Variants in WWOX observed in about 807,000 individuals in gnomAD.
WWOX encodes the protein WW domain containing oxidoreductase, also known as WW domain-containing oxidoreductase.
Under a neutral mutation model 46.2 loss-of-function variants are expected in WWOX, and 69 were observed. The observed-to-expected ratio is 1.49, with a 90% CI of 1.23 to 1.82. The LOEUF (loss-of-function observed/expected upper bound fraction) is 1.82. Among genes scored for constraint, WWOX ranks in the 40% most tolerant of loss-of-function variants. WWOX has a pLI of 0.00. For synonymous variants in WWOX, 359 were observed against 202.6 expected (o/e 1.77, Z -6.56); for missense variants, 919 against 542.6 (o/e 1.69, Z -6.89).
chr16:78,705,747 G>A (rs1467145558), intron 8 of WWOX, among the ~76,000 whole-genome samples: 1 of 152,046 alleles, frequency 6.6e-6, no homozygotes, highest in Non-Finnish European at 1.5e-5. Context: ...AATGCTGTAT[G>A]TACCATCAGA....
rs1184055875 is a variant in WWOX at position 79,212,404 on chromosome 16, T to TA, written c.*609dup. 2.4e-6 allele frequency: 1 copy of TA among 424,270 alleles called. No homozygotes were observed. The highest frequency in any genetic ancestry group is 3.9e-5 in the Admixed American group (1 of 25,628). The allele number at this position is 424,270 out of a possible 1,614,324, so 26.3% of individuals were successfully genotyped here. ...CTACCAGGTGGCAAAGTACTTGTCA[T>TA]AGACTCCTTTGCTAATGCTATGCAA... is the stretch of plus-strand genomic sequence containing the variant. On this transcript the variant is annotated 3_prime_UTR_variant, in exon 9 of 9. Transcript: ENST00000566780.
At chr16:78,864,174 G>A (rs2043952535) in intron 8 of WWOX, among the ~76,000 whole-genome samples, 1 of 152,132 alleles carries the variant, frequency 6.6e-6, no homozygotes, top group South Asian at 2.1e-4. Flanking sequence ...GGGTCATACA[G>A]TAAATCTATG....
chr16:78,530,897 A>G (rs147282391), intron 8 of WWOX, among the ~76,000 whole-genome samples: 1,543 of 152,354 alleles, frequency 0.01, 35 homozygotes, highest in African/African-American at 0.036. Context: ...ACAACACATT[A>G]TCTCACTTAA....
chr16:78,886,972 G>C (rs937330831), intron 8 of WWOX, among the ~76,000 whole-genome samples: 1 of 151,986 alleles, frequency 6.6e-6, no homozygotes, highest in Non-Finnish European at 1.5e-5. Flanking sequence ...TATAGGGTCT[G>C]CTGGGTTTAA....
chr16:78,949,231 C>A (rs1274906921), intron 8 of WWOX, among the ~76,000 whole-genome samples: 1 of 152,134 alleles, frequency 6.6e-6, no homozygotes, highest in Non-Finnish European at 1.5e-5. Flanking sequence ...CTTGTGAGAC[C>A]TGAAACAGGA....
intron 6 of WWOX, among the ~76,000 whole-genome samples, chr16:78,389,146 G>C (rs1006714829): frequency 6.6e-6 from 1 of 152,190 alleles, no homozygotes; most frequent in African/African-American, 2.4e-5. Flanking sequence ...ATCTGAGAGA[G>C]CCCTCCTGTG....
intron 5 of WWOX, among the ~76,000 whole-genome samples, chr16:78,222,346 A>AC (rs1271088225): frequency 1.7e-5 from 2 of 118,502 alleles, no homozygotes; most frequent in Non-Finnish European, 3.9e-5. Context: ...ACTTAATAGA[A>AC]AAAAAAAAAA....
intron 4 of WWOX, among the ~76,000 whole-genome samples, chr16:78,136,076 ATTAC>A (rs143169619): frequency 0.018 from 2,704 of 152,216 alleles, 37 homozygotes; most frequent in Non-Finnish European, 0.028. Context: ...GAATCTATTT[ATTAC>A]TTCTATAATG....
chr16:79,074,316 C>G (rs2048609284), intron 8 of WWOX, among the ~76,000 whole-genome samples: 1 of 150,912 alleles, frequency 6.6e-6, no homozygotes, highest in African/African-American at 2.4e-5. Flanking sequence ...CCCCATTTCC[C>G]ACACTTTAAA....
chr16:78,636,848 G>A (rs1201219704), intron 8 of WWOX, among the ~76,000 whole-genome samples: 1 of 152,124 alleles, frequency 6.6e-6, no homozygotes, highest in Admixed American at 6.5e-5. Context: ...GCTCTTCATG[G>A]TACAGCCCTG....
chr16:79,089,003 G>A (rs780347168), intron 8 of WWOX, among the ~76,000 whole-genome samples: 1 of 152,160 alleles, frequency 6.6e-6, no homozygotes, highest in Non-Finnish European at 1.5e-5. Flanking sequence ...CTTGAACATA[G>A]CTGTTGTCAG....
At position 78,324,859 on chromosome 16, in the gene WWOX, C is replaced by G. The variant is rs149754753; in HGVS notation, c.517-62001C>G. Among the ~76,000 whole-genome samples the G allele has an allele frequency of 3.0e-3, 454 of 152,192 alleles. 3 individuals are homozygous for G. The highest frequency in any genetic ancestry group is 0.01 in the African/African-American group (424 of 41,518). ...TTTGCAATTGTCTGTGTTGGTTGCA[C>G]AACTCTAAATGTACTAAAAATCATT... On this transcript the variant is annotated intron_variant, in intron 5 of 8. Coordinates refer to ENST00000566780, the MANE Select transcript of WWOX (RefSeq NM_016373.4).
intron 8 of WWOX, among the ~76,000 whole-genome samples, chr16:79,072,649 G>T (rs573860207): frequency 5.0e-4 from 76 of 152,276 alleles, no homozygotes; most frequent in African/African-American, 1.7e-3. Flanking sequence ...AAAGTTAGCA[G>T]TACTTGTTTT....
At chr16:78,701,487 C>T (rs1351675819) in intron 8 of WWOX, among the ~76,000 whole-genome samples, 1 of 152,102 alleles carries the variant, frequency 6.6e-6, no homozygotes, top group Non-Finnish European at 1.5e-5. Context: ...GGCCTTCCTC[C>T]CTTACCTCTC....
chr16:78,424,722 C>T lies in WWOX; in HGVS notation c.606-148C>T, dbSNP rs555272954. ...TTCTACATGGTGGGAATCTAGAAGA[C>T]GGAGAAAGAATTTCTCATTCCCGAA... On this transcript the variant is annotated intron_variant, in intron 6 of 8. Transcript: ENST00000566780. The T allele has an allele frequency of 1.3e-3, 1,259 of 942,278 alleles. 3 individuals carry two copies. The highest frequency in any genetic ancestry group is 2.8e-3 in the South Asian group (208 of 74,010). 58.4% of individuals were successfully genotyped at this position (942,278 alleles called of 1,614,324 possible).
At chr16:78,760,179 G>A (rs761939446) in intron 8 of WWOX, among the ~76,000 whole-genome samples, 1 of 152,154 alleles carries the variant, frequency 6.6e-6, no homozygotes, top group Non-Finnish European at 1.5e-5. Flanking sequence ...GGCAGCAGAC[G>A]AGAGAGAGTG....
intron 8 of WWOX, among the ~76,000 whole-genome samples, chr16:79,001,023 G>C (rs1332071697): frequency 6.6e-6 from 1 of 152,222 alleles, no homozygotes; most frequent in Non-Finnish European, 1.5e-5. Flanking sequence ...AGTATTTGCA[G>C]AGTGAGTGAA....
Position 78,917,268 on chromosome 16 carries a change from G to A in WWOX, c.1057-294340G>A, listed in dbSNP as rs1024760803. On this transcript the variant is annotated intron_variant, in intron 8 of 8. Coordinates refer to ENST00000566780, the MANE Select transcript of WWOX (RefSeq NM_016373.4). ...GCTCACGAACTGAGAGTCAGGAGGC[G>A]TGGTTCCCCTAACTCAAATCAGAAT... Among the ~76,000 whole-genome samples, 6 of 152,290 alleles carry A rather than the reference G, an allele frequency of 3.9e-5. No individual in the cohort carries two copies. In the East Asian group the frequency reaches 5.8e-4, roughly 15 times the overall value.
Position 78,230,392 on chromosome 16 carries a change from C to T in WWOX, c.516+66103C>T, listed in dbSNP as rs149166328. Among the ~76,000 whole-genome samples the T allele has an allele frequency of 7.9e-5, 12 of 152,356 alleles. No individual in the cohort carries two copies. In the East Asian group the frequency reaches 2.3e-3, roughly 29 times the overall value. The stretch of plus-strand genomic sequence containing the variant: ...GGACAGGTAACATGATGTACACAAG[C>T]ATTTGACTGTTGCATCCTTTGATTG... On this transcript the variant is annotated intron_variant, in intron 5 of 8. Transcript: ENST00000566780.
Sources: allele counts gnomAD v4.1 joint callset (sites outside exome capture counted in the v4.1 genomes callset), GRCh38; gene constraint gnomAD v4.1.1; transcripts MANE v1.5; gene names NCBI Gene and HGNC (gene_info 2026-07-23, HGNC 2026-07-21).